Variants in UBASH3B observed in about 807,000 individuals in gnomAD.
UBASH3B encodes the protein ubiquitin associated and SH3 domain containing B.
UBASH3B carries 37 observed loss-of-function variants against 83.4 expected under a neutral mutation model. The ratio of observed to expected loss-of-function variants is 0.44; its 90% CI spans 0.34 to 0.58. The LOEUF is 0.58. Ranked by LOEUF, UBASH3B falls within the 20% of genes least tolerant of loss-of-function variation. The pLI, the probability that UBASH3B is intolerant of heterozygous loss-of-function variation, is 0.01. For synonymous variants in UBASH3B, 304 were observed against 318.3 expected (o/e 0.96, Z 0.48); for missense variants, 657 against 827.2 (o/e 0.79, Z 2.52).
At chr11:122,674,189 T>A (rs563678761) in intron 1 of UBASH3B, among the ~76,000 whole-genome samples, 36 of 152,276 alleles carry the variant, frequency 2.4e-4, no homozygotes, top group South Asian at 8.3e-4. Context: ...AACACAGAGA[T>A]GTAAACGGTG....
At chr11:122,740,567 T>C (rs1263600224) in intron 1 of UBASH3B, among the ~76,000 whole-genome samples, 2 of 152,212 alleles carry the variant, frequency 1.3e-5, no homozygotes, top group Non-Finnish European at 2.9e-5. Flanking sequence ...ATTCCCATTG[T>C]ACATGGGATA....
intron 1 of UBASH3B, among the ~76,000 whole-genome samples, chr11:122,774,573 A>G (rs1410284839): frequency 6.6e-6 from 1 of 152,248 alleles, no homozygotes; most frequent in African/African-American, 2.4e-5. Flanking sequence ...GGTCATTCTA[A>G]TTGCTCCATA....
intron 3 of UBASH3B, among the ~76,000 whole-genome samples, chr11:122,778,785 A>G (rs891685320): frequency 7.9e-5 from 12 of 151,774 alleles, no homozygotes; most frequent in African/African-American, 2.9e-4. Context: ...TTGTATTTTT[A>G]GTAGAGATGG....
chr11:122,753,990 G>A (rs776336085), intron 1 of UBASH3B, among the ~76,000 whole-genome samples: 25 of 152,094 alleles, frequency 1.6e-4, no homozygotes, highest in Admixed American at 3.9e-4. Flanking sequence ...TGTGATGATG[G>A]GAAGGTTTCA....
intron 1 of UBASH3B, among the ~76,000 whole-genome samples, chr11:122,673,812 C>G (rs1863631812): frequency 6.6e-6 from 1 of 152,178 alleles, no homozygotes; most frequent in South Asian, 2.1e-4. Context: ...AGGGGATTTT[C>G]TACTTTAAAA....
intron 1 of UBASH3B, among the ~76,000 whole-genome samples, chr11:122,708,291 C>CTTT (rs11442792): frequency 1.3e-4 from 16 of 127,634 alleles, no homozygotes; most frequent in Non-Finnish European, 1.8e-4. Context: ...CTTTGCTTGG[C>CTTT]TTTTTTTTTT....
chr11:122,678,056 GC>G (rs1234754186), intron 1 of UBASH3B, among the ~76,000 whole-genome samples: 1 of 152,192 alleles, frequency 6.6e-6, no homozygotes, highest in Non-Finnish European at 1.5e-5. Flanking sequence ...TTTCCAATGT[GC>G]TAGGATTATA....
chr11:122,724,930 C>T (rs1860705558), intron 1 of UBASH3B, among the ~76,000 whole-genome samples: 1 of 152,008 alleles, frequency 6.6e-6, no homozygotes, highest in Non-Finnish European at 1.5e-5. Flanking sequence ...AGAACAGGCT[C>T]AAATTTGTAT....
intron 3 of UBASH3B, 127 bp downstream of exon 3, chr11:122,777,337 A>G (rs6589948): frequency 0.16 from 168,827 of 1,063,388 alleles, 15,986 homozygotes; most frequent in African/African-American, 0.42. Flanking sequence ...CTACAGCTGG[A>G]GGGACCTTCA....
In UBASH3B at chr11:122,656,196, C is replaced by T. The variant is rs1863359979; in HGVS notation, c.147C>T (p.Phe49=). 2 of 1,484,592 alleles carry T rather than the reference C, an allele frequency of 1.3e-6. No individual in the cohort carries two copies. The highest frequency in any genetic ancestry group is 1.8e-6 in the Non-Finnish European group (2 of 1,115,502). The allele number at this position is 1,484,592 out of a possible 1,614,324, so 92.0% of individuals were successfully genotyped here. ...SALDVLLSMG[F]PRARAQKALA... is the part of the protein sequence containing the mutation. The stretch of plus-strand genomic sequence containing the variant: ...TGGACGTGCTCCTCTCCATGGGGTT[C>T]CCCAGAGCCCGCGCGTAAGTGGCCG... The change falls in exon 1 of 14, where the codon TTC becomes TTT. Residue 49 remains phenylalanine, a synonymous_variant. Transcript: ENST00000284273.
intron 1 of UBASH3B, among the ~76,000 whole-genome samples, chr11:122,766,910 T>C (rs1565556976): frequency 1.3e-5 from 2 of 152,210 alleles, no homozygotes; most frequent in Middle Eastern, 3.2e-3. Flanking sequence ...TCCAGCCCCT[T>C]CCCCCGAGTA....
intron 1 of UBASH3B, among the ~76,000 whole-genome samples, chr11:122,660,785 G>C (rs1451894740): frequency 2.6e-5 from 4 of 152,158 alleles, no homozygotes; most frequent in Non-Finnish European, 5.9e-5. Flanking sequence ...CTGGTGGCTA[G>C]AACTTTGTCT....
chr11:122,692,869 G>A (rs554315730), intron 1 of UBASH3B, among the ~76,000 whole-genome samples: 1 of 152,348 alleles, frequency 6.6e-6, no homozygotes, highest in African/African-American at 2.4e-5. Context: ...TGTGATAAGT[G>A]TCCGAGTGAA....
chr11:122,745,687 ATC>A (rs1861107115), intron 1 of UBASH3B, among the ~76,000 whole-genome samples: 1 of 152,166 alleles, frequency 6.6e-6, no homozygotes, highest in Admixed American at 6.5e-5. Context: ...GATAAGCTTC[ATC>A]TCCCCTGCCA....
At chr11:122,670,757 T>C (rs1211296622) in intron 1 of UBASH3B, among the ~76,000 whole-genome samples, 1 of 152,094 alleles carries the variant, frequency 6.6e-6, no homozygotes, top group Non-Finnish European at 1.5e-5. Context: ...GAATAATTTA[T>C]TATTTATTTA....
intron 1 of UBASH3B, chr11:122,709,575 T>G (rs191161130): frequency 6.6e-6 from 1 of 152,314 alleles, no homozygotes; most frequent in African/African-American, 2.4e-5. Context: ...GCTGCTTTGA[T>G]TCCCTTATTA....
chr11:122,799,301 A>C (rs957293313), intron 10 of UBASH3B, among the ~76,000 whole-genome samples: 10 of 152,148 alleles, frequency 6.6e-5, no homozygotes, highest in Non-Finnish European at 1.0e-4. Flanking sequence ...GACCAGCCTC[A>C]ACATGGAGAA....
intron 8 of UBASH3B, 111 bp downstream of exon 8, chr11:122,796,387 G>C (rs1366399397): frequency 6.7e-7 from 1 of 1,487,502 alleles, no homozygotes; most frequent in East Asian, 2.3e-5. Context: ...GCGTACTATA[G>C]AAGATGTCTG....
chr11:122,755,892 T>C (rs1478373908), intron 1 of UBASH3B, among the ~76,000 whole-genome samples: 1 of 152,206 alleles, frequency 6.6e-6, no homozygotes, highest in African/African-American at 2.4e-5. Context: ...TTAATTTGAT[T>C]GTCTGTTTCC....
Sources: allele counts gnomAD v4.1 joint callset (sites outside exome capture counted in the v4.1 genomes callset), GRCh38; gene constraint gnomAD v4.1.1; transcripts MANE v1.5; gene names NCBI Gene and HGNC (gene_info 2026-07-23, HGNC 2026-07-21).